NDUFAF5: variants seen among roughly 807,000 people sequenced by gnomAD.
NDUFAF5 encodes the protein arginine-hydroxylase NDUFAF5, mitochondrial.
In NDUFAF5, 34 loss-of-function variants were observed where a neutral mutation model predicts 48.9. The ratio of observed to expected loss-of-function variants is 0.70; its 90% CI spans 0.53 to 0.93. The LOEUF (loss-of-function observed/expected upper bound fraction) is 0.93, where lower values mean the gene tolerates loss of function less well. Among genes scored for constraint, NDUFAF5 ranks in the 40% least tolerant of loss-of-function variants. NDUFAF5 has a pLI of 0.00. For synonymous variants in NDUFAF5, 153 were observed against 150.6 expected (o/e 1.02, Z -0.12); for missense variants, 428 against 427.5 (o/e 1.00, Z -0.01).
At chr20:13,801,384 A>C in intron 6 of NDUFAF5, 102 bp from the exon 7 acceptor site, 1 of 675,930 alleles carries the variant, frequency 1.5e-6, no homozygotes, top group Non-Finnish European at 2.4e-6. Context: ...GGCAGAATAA[A>C]AGTGGTTGTC....
chr20:13,787,411 T>A, intron 2 of NDUFAF5, 59 bp downstream of exon 2: 1 of 1,493,984 alleles, frequency 6.7e-7, no homozygotes. Context: ...TTCAGGAGAT[T>A]AAATGCTGAG....
chr20:13,805,490 TTAATA>T (rs896819967), intron 7 of NDUFAF5, among the ~76,000 whole-genome samples: 41 of 152,300 alleles, frequency 2.7e-4, no homozygotes, highest in African/African-American at 7.5e-4. Context: ...GACTCATACT[TTAATA>T]TAATATAAAA....
chr20:13,803,528 C>T (rs190662532), intron 7 of NDUFAF5: 90 of 152,314 alleles, frequency 5.9e-4, no homozygotes, highest in African/African-American at 2.1e-3. Context: ...GTCATTCCCC[C>T]TTAATCCTAA....
chr20:13,814,528 A>G, intron 8 of NDUFAF5: 2 of 1,229,630 alleles, frequency 1.6e-6, no homozygotes, highest in South Asian at 1.3e-5. Context: ...AAGTTCAGTT[A>G]TTTTTTTAAA....
chr20:13,816,669 C>T (rs1986503469), intron 9 of NDUFAF5, 123 bp downstream of exon 9: 1 of 837,848 alleles, frequency 1.2e-6, no homozygotes, highest in East Asian at 2.6e-5. Context: ...TCTTGTCCTT[C>T]CTCTCAAAAC....
Position 13,817,582 on chromosome 20 carries a change from C to T in NDUFAF5, c.*372C>T, listed in dbSNP as rs1313272313. On this transcript the variant is annotated 3_prime_UTR_variant, in exon 11 of 11. Coordinates refer to ENST00000378106, the MANE Select transcript of NDUFAF5 (RefSeq NM_024120.5). ...TTGAAGAGGAACAGATGAATATGCA[C>T]CTTCTCCAGAGTTATGTGGTTTTAG... The T allele has an allele frequency of 4.4e-6, 2 of 459,436 alleles. No homozygotes were observed. Among genetic ancestry groups the T allele is most frequent in the Non-Finnish European group, 8.7e-6 (2 of 230,710 alleles). 28.5% of individuals were successfully genotyped at this position (459,436 alleles called of 1,614,324 possible). A position where few individuals can be genotyped will look rare whatever the true frequency, so the allele number is the denominator to read the frequency against.
chr20:13,795,992 T>C (rs1983151880), intron 5 of NDUFAF5, among the ~76,000 whole-genome samples: 1 of 152,206 alleles, frequency 6.6e-6, no homozygotes, highest in Non-Finnish European at 1.5e-5. Flanking sequence ...CAAAAATGAA[T>C]TAGGGATCCT....
At chr20:13,814,225 G>T (rs536539188) in intron 8 of NDUFAF5, 1 of 354,768 alleles carries the variant, frequency 2.8e-6, no homozygotes, top group African/African-American at 2.1e-5. Context: ...GTCAGAGGCA[G>T]ATGAGATGGG....
In NDUFAF5 at chr20:13,820,970, C is replaced by A. The variant is rs2147646866; in HGVS notation, c.*3760C>A. The A allele has an allele frequency of 6.6e-6, 1 of 152,296 alleles. No homozygotes were observed. The highest frequency in any genetic ancestry group is 2.1e-4 in the South Asian group (1 of 4,824). 9.4% of individuals were successfully genotyped at this position (152,296 alleles called of 1,614,324 possible). On this transcript the variant is annotated 3_prime_UTR_variant, in exon 11 of 11. Coordinates refer to ENST00000378106, the MANE Select transcript of NDUFAF5 (RefSeq NM_024120.5). ...CTTCAGGAAATTTATCATAAGCAGA[C>A]TTGCCTTTTCAGATATTGGTATATT...
intron 3 of NDUFAF5, among the ~76,000 whole-genome samples, chr20:13,789,252 C>A (rs1981798583): frequency 6.6e-6 from 1 of 151,848 alleles, no homozygotes; most frequent in Non-Finnish European, 1.5e-5. Context: ...GCAACCTCTG[C>A]CTCCCGGGTT....
At chr20:13,796,185 G>C (rs1482522940) in intron 5 of NDUFAF5, among the ~76,000 whole-genome samples, 1 of 152,186 alleles carries the variant, frequency 6.6e-6, no homozygotes, top group Non-Finnish European at 1.5e-5. Context: ...GCCACTTTTG[G>C]CCTGAAAGTC....
intron 7 of NDUFAF5, among the ~76,000 whole-genome samples, chr20:13,808,532 T>C (rs1298420782): frequency 1.3e-5 from 2 of 152,148 alleles, no homozygotes; most frequent in Non-Finnish European, 2.9e-5. Flanking sequence ...CCTGAAGGTT[T>C]TCAAAGACTT....
chr20:13,801,440 T>C (rs1984101866), intron 6 of NDUFAF5, 46 bp from the exon 7 acceptor site: 4 of 1,237,054 alleles, frequency 3.2e-6, no homozygotes, highest in Non-Finnish European at 4.6e-6. Flanking sequence ...TTAACATTTA[T>C]ATATATAAAA....
Position 13,818,625 on chromosome 20 carries a change from AGAG to A in NDUFAF5, c.*1419_*1421del, listed in dbSNP as rs1986770038. 1.1e-5 allele frequency: 2 copies of A among 186,802 alleles called. No homozygotes were observed. Among genetic ancestry groups the A allele is most frequent in the South Asian group, 1.0e-4 (1 of 9,838 alleles). The allele number at this position is 186,802 out of a possible 1,614,324, so 11.6% of individuals were successfully genotyped here. Reference sequence around the variant, plus strand: ...GCCACGGCACTCCAACCTGGGCAAAAGAGGAGACCTCATCTAAAGAAAAATCCA... The same window carrying A: ...GCCACGGCACTCCAACCTGGGCAAAAGAGACCTCATCTAAAGAAAAATCCA... On this transcript the variant is annotated 3_prime_UTR_variant, in exon 11 of 11. Transcript: ENST00000378106.
chr20:13,809,474 G>A lies in NDUFAF5; in HGVS notation c.778+572G>A, dbSNP rs576498041. On this transcript the variant is annotated intron_variant, in intron 8 of 10. Coordinates refer to ENST00000378106, the MANE Select transcript of NDUFAF5 (RefSeq NM_024120.5). ...GGCAAGGAGAACAGCATATGCAAAG[G>A]CCCTCCTGTGAGAATGAACATAGCA... Among the ~76,000 whole-genome samples the A allele has an allele frequency of 2.6e-5, 4 of 152,318 alleles. No individual in the cohort carries two copies. The South Asian group carries it at 8.3e-4, about 32-fold the overall frequency.
At chr20:13,794,985 A>G in intron 5 of NDUFAF5, 44 bp downstream of exon 5, 2 of 1,357,500 alleles carry the variant, frequency 1.5e-6, no homozygotes, top group African/African-American at 2.9e-5. Flanking sequence ...TAAACAGATC[A>G]TTCTTGCCAT....
At chr20:13,801,954 C>T (rs1459982206) in intron 7 of NDUFAF5, 11 of 380,116 alleles carry the variant, frequency 2.9e-5, no homozygotes, top group Non-Finnish European at 5.3e-5. Context: ...AATTTCTAAA[C>T]ATACAACTCC....
In NDUFAF5 at chr20:13,793,208, A is replaced by G. The variant is rs759387048; in HGVS notation, c.356A>G (p.Asp119Gly). 9 of 1,613,780 alleles carry G rather than the reference A, an allele frequency of 5.6e-6. No homozygotes were observed. In the East Asian group the frequency reaches 1.6e-4, roughly 28 times the overall value. The change falls in exon 4 of 11, where the codon GAC becomes GGC. Residue 119 changes from aspartate (D) to glycine (G), a missense_variant. Asp to Gly is a moderately conservative substitution (Grantham distance 94). Transcript: ENST00000378106. ...ACTATTGGAAAGTTTTTCCAAGCTG[A>G]CATTGCAGAAAATGCTTTGGTAGGT... is the stretch of plus-strand genomic sequence containing the variant. ...KETIGKFFQA[D>G]IAENALKNSS...
chr20:13,797,761 G>A (rs1983470244), intron 5 of NDUFAF5, among the ~76,000 whole-genome samples: 1 of 152,092 alleles, frequency 6.6e-6, no homozygotes, highest in Non-Finnish European at 1.5e-5. Flanking sequence ...TATCAGTATA[G>A]CTTCATCAGT....
Sources: gnomAD v4.1 joint callset for allele counts (sites outside exome capture counted in the v4.1 genomes callset) on GRCh38, gnomAD v4.1.1 for gene constraint, MANE v1.5 for transcripts, NCBI Gene and HGNC (gene_info 2026-07-23, HGNC 2026-07-21) for gene names.